Variants in CSNK1G1 observed in about 807,000 individuals in gnomAD.
CSNK1G1 encodes the protein casein kinase I isoform gamma-1.
CSNK1G1 carries 22 observed loss-of-function variants against 59.6 expected under a neutral mutation model. That is an observed-to-expected ratio of 0.37 (90% CI 0.26 to 0.53). CSNK1G1 has a LOEUF of 0.53. Among genes scored for constraint, CSNK1G1 ranks in the 20% least tolerant of loss-of-function variants. The probability of loss-of-function intolerance (pLI) is 0.89; values close to 1 mark genes in which losing one functional copy is unlikely to be tolerated. For missense variants in CSNK1G1, 384 were observed against 519.5 expected (o/e 0.74, Z 2.54); for synonymous variants, 179 against 177.1 (o/e 1.01, Z -0.08).
At chr15:64,324,815 A>G (rs970549551) in intron 1 of CSNK1G1, among the ~76,000 whole-genome samples, 4 of 152,206 alleles carry the variant, frequency 2.6e-5, no homozygotes, top group African/African-American at 7.2e-5. Flanking sequence ...ACTCCATGAA[A>G]TTTCTTTAAT....
intron 3 of CSNK1G1, among the ~76,000 whole-genome samples, chr15:64,256,195 G>A (rs1057483090): frequency 1.1e-4 from 17 of 152,082 alleles, no homozygotes; most frequent in African/African-American, 2.7e-4. Flanking sequence ...ACTAGAAGTC[G>A]ATCAAAACAC....
intron 4 of CSNK1G1, among the ~76,000 whole-genome samples, chr15:64,226,916 G>A (rs1263038259): frequency 3.9e-5 from 6 of 152,234 alleles, no homozygotes; most frequent in Admixed American, 1.3e-4. Context: ...CCTGACAATC[G>A]TGCCCCAGTC....
At chr15:64,276,385 T>C (rs1361787312) in intron 2 of CSNK1G1, among the ~76,000 whole-genome samples, 1 of 152,220 alleles carries the variant, frequency 6.6e-6, no homozygotes, top group East Asian at 1.9e-4. Flanking sequence ...CCATGTAACC[T>C]ACCCAATTTC....
chr15:64,337,315 A>G (rs150552844), intron 1 of CSNK1G1, among the ~76,000 whole-genome samples: 3 of 152,294 alleles, frequency 2.0e-5, no homozygotes, highest in South Asian at 4.1e-4. Flanking sequence ...TCACCAAAAA[A>G]GACTTCTAAT....
rs560441304 is a variant in CSNK1G1, at chr15:64,298,265, A to C, written c.181+2054T>G. Among the ~76,000 whole-genome samples the C allele has an allele frequency of 3.9e-5, 6 of 152,298 alleles. No homozygotes were observed. In the South Asian group the frequency reaches 1.2e-3, roughly 32 times the overall value. ...TTCACCAAGGTTTTTCTTCACTTTC[A>C]CAGAAATGAAACAATTGTCTGATGT... On this transcript the variant is annotated intron_variant, in intron 2 of 11. Coordinates refer to ENST00000303052, the MANE Select transcript of CSNK1G1 (RefSeq NM_022048.5).
rs572591845 is a variant in CSNK1G1, at chr15:64,200,200, A to G, written c.1107+2882T>C. ...GCGGAGGTTGCAGTGAGCCAAGATC[A>G]TGCTCCAGCCTTGGTGATAAGAGCT... is the stretch of plus-strand genomic sequence containing the variant. On this transcript the variant is annotated intron_variant, in intron 10 of 11. Transcript: ENST00000303052. This position sits in a 1 kb window ranked among gnomAD's most constrained non-coding sequence, Gnocchi z 4.3. Among the ~76,000 whole-genome samples the G allele has an allele frequency of 8.5e-5, 13 of 152,166 alleles. No individual in the cohort carries two copies. Among genetic ancestry groups the G allele is most frequent in the Non-Finnish European group, 1.9e-4 (13 of 67,988 alleles).
intron 2 of CSNK1G1, among the ~76,000 whole-genome samples, chr15:64,284,674 CATATTATGTCTTTT>C: frequency 6.6e-6 from 1 of 151,888 alleles, no homozygotes. Flanking sequence ...TCCCCAGAAA[CATATTATGTCTTTT>C]AATGAGAATA....
Position 64,207,503 on chromosome 15 carries a change from G to C in CSNK1G1, c.765+6C>G. On this transcript the variant is annotated splice_donor_region_variant and intron_variant, in intron 7 of 11. Coordinates refer to ENST00000303052, the MANE Select transcript of CSNK1G1 (RefSeq NM_022048.5). Reference sequence around the variant, plus strand: ...AAAGCCCTCCACTGAACACTTTCAAGGATACCTTGAGTCCTTGCCAGGGGA... The same window carrying C: ...AAAGCCCTCCACTGAACACTTTCAACGATACCTTGAGTCCTTGCCAGGGGA... 1 of 1,603,038 alleles carries C rather than the reference G, an allele frequency of 6.2e-7. No homozygotes were observed. The highest frequency in any genetic ancestry group is 8.5e-7 in the Non-Finnish European group (1 of 1,170,114).
At position 64,200,421 on chromosome 15, in the gene CSNK1G1, C is replaced by T. The variant is rs2082092557; in HGVS notation, c.1107+2661G>A. Among the ~76,000 whole-genome samples, 1 of 152,152 alleles carries T rather than the reference C, an allele frequency of 6.6e-6. No homozygotes were observed. The highest frequency in any genetic ancestry group is 6.5e-5 in the Admixed American group (1 of 15,276). On this transcript the variant is annotated intron_variant, in intron 10 of 11. Transcript: ENST00000303052. The surrounding 1 kb of genome is among the most constrained non-coding windows in gnomAD (Gnocchi z 4.3). ...GGTGTAATGGTACCATCTCGTCTCA[C>T]TGCAACCTCCACCTCCCAGGTTCAA...
At chr15:64,336,956 A>C (rs1897418942) in intron 1 of CSNK1G1, among the ~76,000 whole-genome samples, 1 of 152,150 alleles carries the variant, frequency 6.6e-6, no homozygotes, top group African/African-American at 2.4e-5. Context: ...GGCCGGGCGC[A>C]GTGGCTCACA....
intron 1 of CSNK1G1, among the ~76,000 whole-genome samples, chr15:64,351,993 A>C (rs1011573093): frequency 6.6e-6 from 1 of 152,200 alleles, no homozygotes; most frequent in African/African-American, 2.4e-5. Flanking sequence ...GATTTAAAGG[A>C]TGATAAAAAA....
chr15:64,250,955 G>C (rs1596160311), intron 4 of CSNK1G1, among the ~76,000 whole-genome samples: 1 of 152,140 alleles, frequency 6.6e-6, no homozygotes, highest in East Asian at 1.9e-4. Context: ...TAAGATATTT[G>C]AGAAATTAGA....
chr15:64,184,370 C>T (rs1348776974), intron 10 of CSNK1G1, among the ~76,000 whole-genome samples: 1 of 150,334 alleles, frequency 6.7e-6, no homozygotes, highest in African/African-American at 2.4e-5. Context: ...AAAAAATAAG[C>T]TTCATTATAA....
At chr15:64,222,281 T>C (rs1363514052) in intron 4 of CSNK1G1, among the ~76,000 whole-genome samples, 2 of 57,494 alleles carry the variant, frequency 3.5e-5, no homozygotes, top group African/African-American at 1.3e-4. Flanking sequence ...TGTTGGTGGA[T>C]GGGGGGTCGG....
At chr15:64,195,199 A>G (rs1189011728) in intron 10 of CSNK1G1, 4 of 152,234 alleles carry the variant, frequency 2.6e-5, no homozygotes, top group Non-Finnish European at 5.9e-5. Flanking sequence ...CAAAAACACA[A>G]AAAAGAGTAA....
intron 2 of CSNK1G1, among the ~76,000 whole-genome samples, chr15:64,262,771 T>C (rs1433116807): frequency 6.6e-6 from 1 of 152,142 alleles, no homozygotes; most frequent in African/African-American, 2.4e-5. Flanking sequence ...AAATTGTGCA[T>C]AGATTTCTTT....
intron 1 of CSNK1G1, among the ~76,000 whole-genome samples, chr15:64,324,576 G>A (rs1383268655): frequency 1.3e-5 from 2 of 152,236 alleles, no homozygotes; most frequent in Non-Finnish European, 2.9e-5. Flanking sequence ...CAGACTGGAG[G>A]CTGCACTGTC....
chr15:64,249,310 G>A (rs1566919225), intron 4 of CSNK1G1, among the ~76,000 whole-genome samples: 1 of 152,148 alleles, frequency 6.6e-6, no homozygotes. Flanking sequence ...CTAGCGGGTA[G>A]GGGTAGCAAG....
intron 2 of CSNK1G1, among the ~76,000 whole-genome samples, chr15:64,272,915 G>C (rs929004982): frequency 6.6e-6 from 1 of 151,712 alleles, no homozygotes; most frequent in Admixed American, 6.6e-5. Flanking sequence ...TGTTGCCCAG[G>C]CTGGTCTCAA....
Sources: gnomAD v4.1 joint callset for allele counts (sites outside exome capture counted in the v4.1 genomes callset) on GRCh38, gnomAD v4.1.1 for gene constraint, Gnocchi (gnomAD v3.1) non-coding constraint, MANE v1.5 for transcripts, NCBI Gene and HGNC (gene_info 2026-07-23, HGNC 2026-07-21) for gene names.